PDE7B: variants seen among roughly 807,000 people sequenced by gnomAD.
PDE7B encodes the protein phosphodiesterase 7B, also known as 3',5'-cyclic-AMP phosphodiesterase 7B.
A neutral mutation model predicts 56.2 loss-of-function variants in PDE7B; 29 were observed. That is an observed-to-expected ratio of 0.52 (90% confidence interval 0.38 to 0.70). The LOEUF is 0.70. PDE7B is among the 30% of genes least tolerant of loss of function. PDE7B has a pLI of 0.00. For missense variants in PDE7B, 490 were observed against 565.0 expected (o/e 0.87, Z 1.35); for synonymous variants, 197 against 196.9 (o/e 1.00, Z 0.00).
Position 136,193,853 on chromosome 6 carries a change from G to A in PDE7B, c.*2013G>A, listed in dbSNP as rs1448908532. Reference sequence around the variant, plus strand: ...GAAAGTTGGTTGTATTTTCATTGAAGTAGGAGAGATTATCAGATGGTGCTA... The same window carrying A: ...GAAAGTTGGTTGTATTTTCATTGAAATAGGAGAGATTATCAGATGGTGCTA... On this transcript the variant is annotated 3_prime_UTR_variant, in exon 13 of 13. Coordinates refer to ENST00000308191, the MANE Select transcript of PDE7B (RefSeq NM_018945.4). The A allele has an allele frequency of 6.6e-6, 1 of 152,216 alleles. No individual in the cohort carries two copies. The highest frequency in any genetic ancestry group is 1.5e-5 in the Non-Finnish European group (1 of 68,044). The allele number at this position is 152,216 out of a possible 1,614,324, so 9.4% of individuals were successfully genotyped here.
At chr6:136,186,764 G>A (rs1779151645) in intron 11 of PDE7B, among the ~76,000 whole-genome samples, 1 of 152,126 alleles carries the variant, frequency 6.6e-6, no homozygotes, top group South Asian at 2.1e-4. Flanking sequence ...GTTTTTGTAG[G>A]TCTTGTTCAA....
At chr6:136,179,670 G>A (rs1362276218) in intron 10 of PDE7B, among the ~76,000 whole-genome samples, 1 of 152,150 alleles carries the variant, frequency 6.6e-6, no homozygotes, top group Non-Finnish European at 1.5e-5. Context: ...GACTGTTTCT[G>A]AAACACAAAA....
At chr6:135,985,938 G>C (rs750343337) in intron 2 of PDE7B, among the ~76,000 whole-genome samples, 1 of 152,036 alleles carries the variant, frequency 6.6e-6, no homozygotes, top group Non-Finnish European at 1.5e-5. Context: ...CTCAGGCACC[G>C]GGCGATGCTC....
intron 8 of PDE7B, among the ~76,000 whole-genome samples, chr6:136,170,171 G>A (rs1778856801): frequency 6.6e-6 from 1 of 152,108 alleles, no homozygotes; most frequent in African/African-American, 2.4e-5. Context: ...ACATCGTATG[G>A]GTGGCTCAGA....
intron 1 of PDE7B, among the ~76,000 whole-genome samples, chr6:135,928,499 ATT>A (rs1247078055): frequency 3.1e-5 from 3 of 96,256 alleles, no homozygotes; most frequent in Non-Finnish European, 6.1e-5. Context: ...ATATATATAT[ATT>A]TATATATATA....
At chr6:136,070,418 A>G (rs749441171) in intron 2 of PDE7B, 12 of 152,080 alleles carry the variant, frequency 7.9e-5, no homozygotes, top group Non-Finnish European at 1.6e-4. Flanking sequence ...TACCCATCCA[A>G]TTTGCTTTCA....
At chr6:136,134,831 G>A (rs1295859068) in intron 3 of PDE7B, among the ~76,000 whole-genome samples, 1 of 150,144 alleles carries the variant, frequency 6.7e-6, no homozygotes, top group Non-Finnish European at 1.5e-5. Flanking sequence ...TGCTCCTCTT[G>A]AACACCTACA....
At chr6:135,981,999 A>G (rs1775306045) in intron 2 of PDE7B, among the ~76,000 whole-genome samples, 1 of 152,090 alleles carries the variant, frequency 6.6e-6, no homozygotes. Flanking sequence ...AAGTCACTAG[A>G]CGATAGGAAC....
chr6:136,095,075 A>G (rs1020759591), intron 2 of PDE7B, among the ~76,000 whole-genome samples: 3 of 152,244 alleles, frequency 2.0e-5, no homozygotes, highest in African/African-American at 7.2e-5. Flanking sequence ...ATATGATCTC[A>G]CTTTCTTGGC....
At position 135,859,377 on chromosome 6, in the gene PDE7B, C is replaced by T. The variant is rs540166744; in HGVS notation, c.21+7358C>T. ...CATTCGGAAAAGTGTAGGTATTGCTCATTTTCCATATTTAGTAGTTTTTAT... is the reference window on the plus strand; with the variant it reads ...CATTCGGAAAAGTGTAGGTATTGCTTATTTTCCATATTTAGTAGTTTTTAT... On this transcript the variant is annotated intron_variant, in intron 1 of 12. Coordinates refer to ENST00000308191, the MANE Select transcript of PDE7B (RefSeq NM_018945.4). Among the ~76,000 whole-genome samples the T allele has an allele frequency of 7.2e-5, 11 of 152,154 alleles. 1 individual carries two copies. In the East Asian group the frequency reaches 1.9e-3, roughly 27 times the overall value.
At position 136,191,681 on chromosome 6, in the gene PDE7B, G is replaced by A; in HGVS notation, c.1194G>A (p.Leu398=). Residue 398 remains leucine, a synonymous_variant, in exon 13 of 13, where the codon CTG becomes CTA. Coordinates refer to ENST00000308191, the MANE Select transcript of PDE7B (RefSeq NM_018945.4). ...CCCATTTCACGGGTAACAGCACCCT[G>A]TCGGAGAACATGCTGGGCCACCTCG... ...EWAHFTGNST[L]SENMLGHLAH... 3 of 1,613,994 alleles carry A rather than the reference G, an allele frequency of 1.9e-6. No individual in the cohort carries two copies. The highest frequency in any genetic ancestry group is 2.2e-5 in the South Asian group (2 of 91,032).
At chr6:135,886,650 T>A (rs1775714915) in intron 1 of PDE7B, among the ~76,000 whole-genome samples, 2 of 152,178 alleles carry the variant, frequency 1.3e-5, no homozygotes, top group African/African-American at 4.8e-5. Flanking sequence ...GCTACTTCAC[T>A]TAGAATAGTG....
intron 5 of PDE7B, among the ~76,000 whole-genome samples, chr6:136,150,854 C>CGTGTGTGTGT (rs760532431): frequency 1.4e-5 from 1 of 73,558 alleles, no homozygotes; most frequent in Admixed American, 1.6e-4. Context: ...CACATATACA[C>CGTGTGTGTGT]ATGTGTGTGT....
chr6:136,068,127 C>T (rs188352653), intron 2 of PDE7B, among the ~76,000 whole-genome samples: 1 of 152,208 alleles, frequency 6.6e-6, no homozygotes, highest in Non-Finnish European at 1.5e-5. Context: ...GAGTGACCAA[C>T]GGCCCGTGAC....
At position 136,191,652 on chromosome 6, in the gene PDE7B, T is replaced by A. The variant is rs1236278777; in HGVS notation, c.1165T>A (p.Trp389Arg). ...SYIVEPLFREWAHFTGNSTLS... is the reference protein window; with the variant it reads ...SYIVEPLFRERAHFTGNSTLS... ...CATCGTGGAGCCGCTCTTCCGGGAA[T>A]GGGCCCATTTCACGGGTAACAGCAC... The change falls in exon 13 of 13, where the codon TGG becomes AGG. Residue 389 changes from tryptophan (W) to arginine (R), a missense_variant. Physicochemically the swap from Trp to Arg is moderately radical, Grantham distance 101 (BLOSUM62 -3). Transcript: ENST00000308191. The A allele has an allele frequency of 6.2e-7, 1 of 1,614,138 alleles. No homozygotes were observed. Among genetic ancestry groups the A allele is most frequent in the Admixed American group, 1.7e-5 (1 of 60,020 alleles).
chr6:135,875,003 T>C (rs1411407772), intron 1 of PDE7B, among the ~76,000 whole-genome samples: 2 of 152,080 alleles, frequency 1.3e-5, no homozygotes, highest in African/African-American at 2.4e-5. Context: ...ATTCCATTTA[T>C]TAAAATATTA....
At chr6:136,092,755 G>A (rs181679368) in intron 2 of PDE7B, among the ~76,000 whole-genome samples, 18 of 151,388 alleles carry the variant, frequency 1.2e-4, no homozygotes, top group Admixed American at 1.2e-3. Context: ...GAGCGAGACT[G>A]TCTCAAAAAC....
intron 2 of PDE7B, among the ~76,000 whole-genome samples, chr6:135,953,265 A>C (rs1774732244): frequency 6.6e-6 from 1 of 152,236 alleles, no homozygotes; most frequent in African/African-American, 2.4e-5. Context: ...TGGTTTTTGC[A>C]TGTGGACACT....
At chr6:135,870,349 A>G (rs147358550) in intron 1 of PDE7B, among the ~76,000 whole-genome samples, 1 of 152,214 alleles carries the variant, frequency 6.6e-6, no homozygotes, top group East Asian at 1.9e-4. Context: ...ACCTTGGTCA[A>G]ATAGCCTCTT....
Sources: gnomAD v4.1 joint callset for allele counts (sites outside exome capture counted in the v4.1 genomes callset) on GRCh38, gnomAD v4.1.1 for gene constraint, MANE v1.5 for transcripts, NCBI Gene and HGNC (gene_info 2026-07-23, HGNC 2026-07-21) for gene names.